The following TMEM242 variants were observed in gnomAD, a reference collection of about 807,000 sequenced individuals.
TMEM242 encodes the protein transmembrane protein 242.
Under a neutral mutation model 18.2 loss-of-function variants are expected in TMEM242, and 10 were observed. That is an observed-to-expected ratio of 0.55 (90% CI 0.34 to 0.93). The LOEUF is 0.93. TMEM242 is among the 40% of genes least tolerant of loss of function. The pLI is 0.02. For synonymous variants in TMEM242, 57 were observed against 69.9 expected, an observed-to-expected ratio of 0.81 and a Z score of 0.92; for missense variants, 186 against 175.5, an observed-to-expected ratio of 1.06 and a Z score of -0.34.
At chr6:157,307,028 T>C (rs1777925785) in intron 3 of TMEM242, among the ~76,000 whole-genome samples, 2 of 152,232 alleles carry the variant, frequency 1.3e-5, no homozygotes, top group Non-Finnish European at 2.9e-5. Flanking sequence ...TTACAAACTG[T>C]ACATATCAAC....
chr6:157,302,542 G>A (rs1216783138), intron 3 of TMEM242, among the ~76,000 whole-genome samples: 1 of 152,026 alleles, frequency 6.6e-6, no homozygotes, highest in Non-Finnish European at 1.5e-5. Context: ...TCAATCTTGA[G>A]GGGGAAAAAA....
chr6:157,321,991 T>C (rs1778504231), intron 2 of TMEM242, among the ~76,000 whole-genome samples: 1 of 152,180 alleles, frequency 6.6e-6, no homozygotes, highest in Admixed American at 6.5e-5. Flanking sequence ...CTCTTGCCAT[T>C]ATGGTATCGA....
chr6:157,323,175 A>G (rs1290668202), intron 1 of TMEM242, among the ~76,000 whole-genome samples: 1 of 152,144 alleles, frequency 6.6e-6, no homozygotes, highest in Non-Finnish European at 1.5e-5. Context: ...ACGGGGAAAT[A>G]TGGCACGCCC....
At chr6:157,300,137 T>G in intron 3 of TMEM242, 1 of 600,666 alleles carries the variant, frequency 1.7e-6, no homozygotes, top group Non-Finnish European at 3.0e-6. Flanking sequence ...GGCTGCTCAC[T>G]CAAGAAATGG....
At chr6:157,293,304 C>T (rs1220830175) in intron 3 of TMEM242, among the ~76,000 whole-genome samples, 2 of 152,048 alleles carry the variant, frequency 1.3e-5, no homozygotes, top group Non-Finnish European at 2.9e-5. Context: ...ATTGCTTGAG[C>T]CCAGGAGTTT....
chr6:157,292,608 G>T lies in TMEM242; in HGVS notation c.*293C>A. On this transcript the variant is annotated 3_prime_UTR_variant, in exon 4 of 4. Transcript: ENST00000400788. ...TATAAACTTTTTTAGTATGAAATTT[G>T]CTTCAACTGTTACAAACAGAATCAT... 1 of 268,582 alleles carries T rather than the reference G, an allele frequency of 3.7e-6. No homozygotes were observed. Among genetic ancestry groups the T allele is most frequent in the Non-Finnish European group, 6.9e-6 (1 of 144,348 alleles). The allele number at this position is 268,582 out of a possible 1,614,324, so 16.6% of individuals were successfully genotyped here. A position where few individuals can be genotyped will look rare whatever the true frequency, so the allele number is the denominator to read the frequency against.
At chr6:157,313,792 C>T (rs1482160986) in intron 3 of TMEM242, among the ~76,000 whole-genome samples, 5 of 147,812 alleles carry the variant, frequency 3.4e-5, no homozygotes, top group African/African-American at 1.3e-4. Context: ...TCCCAGTGTG[C>T]GCTCACGTGG....
intron 3 of TMEM242, among the ~76,000 whole-genome samples, chr6:157,312,500 G>GC (rs1778192522): frequency 1.5e-5 from 2 of 132,480 alleles, no homozygotes; most frequent in Admixed American, 7.6e-5. Flanking sequence ...GTCCCAGTGT[G>GC]CACTCACCGA....
In TMEM242 at chr6:157,292,184, A is replaced by G. The variant is rs1777692995; in HGVS notation, c.*717T>C. 1 of 152,108 alleles carries G rather than the reference A, an allele frequency of 6.6e-6. No homozygotes were observed. Among genetic ancestry groups the G allele is most frequent in the African/African-American group, 2.4e-5 (1 of 41,442 alleles). 9.4% of individuals were successfully genotyped at this position (152,108 alleles called of 1,614,324 possible). A position where few individuals can be genotyped will look rare whatever the true frequency, so the allele number is the denominator to read the frequency against. ...AATGACAAATTGTCAGTGTTCAGAG[A>G]TCCAGACCAACTTCTCAAAAAAATA... On this transcript the variant is annotated 3_prime_UTR_variant, in exon 4 of 4. Transcript: ENST00000400788.
In TMEM242 at chr6:157,289,248, A is replaced by G. The variant is rs1777652637; in HGVS notation, c.*3653T>C. 1 of 152,182 alleles carries G rather than the reference A, an allele frequency of 6.6e-6. No individual in the cohort carries two copies. The highest frequency in any genetic ancestry group is 2.4e-5 in the African/African-American group (1 of 41,450). The allele number at this position is 152,182 out of a possible 1,614,324, so 9.4% of individuals were successfully genotyped here. A position where few individuals can be genotyped will look rare whatever the true frequency, so the allele number is the denominator to read the frequency against. On this transcript the variant is annotated 3_prime_UTR_variant, in exon 4 of 4. Transcript: ENST00000400788. ...CTCCAAAACTGAGTTATCTGCCATCACACAAAATTTGCTAACAGCCTCACT... is the reference window on the plus strand; with the variant it reads ...CTCCAAAACTGAGTTATCTGCCATCGCACAAAATTTGCTAACAGCCTCACT...
intron 3 of TMEM242, among the ~76,000 whole-genome samples, chr6:157,314,362 G>GTGTGCACTAACCTGGCCT (rs1778343810): frequency 3.3e-5 from 5 of 149,582 alleles, no homozygotes; most frequent in East Asian, 2.0e-4. Context: ...TAGTGTCCCA[G>GTGTGCACTAACCTGGCCT]CATGCATTCC....
At chr6:157,296,022 T>A (rs1777743337) in intron 3 of TMEM242, among the ~76,000 whole-genome samples, 1 of 152,196 alleles carries the variant, frequency 6.6e-6, no homozygotes, top group Non-Finnish European at 1.5e-5. Flanking sequence ...GAAAAGGTAT[T>A]GGTTTGACCA....
Position 157,323,457 on chromosome 6 carries a change from G to A in TMEM242, c.43C>T (p.Leu15=). 6.2e-7 allele frequency: 1 copy of A among 1,614,084 alleles called. No individual in the cohort carries two copies. The highest frequency in any genetic ancestry group is 1.3e-5 in the African/African-American group (1 of 75,070). The part of the protein sequence containing the change: ...GAATGQPASG[L]EAPGSTNDRL... The stretch of plus-strand genomic sequence containing the variant: ...TCATTCGTGGACCCCGGAGCCTCCA[G>A]CCCAGAGGCCGGCTGCCCAGTTGCA... Residue 15 remains leucine (L), a synonymous_variant, in exon 1 of 4, where the codon CTG becomes TTG. Coordinates refer to ENST00000400788, the MANE Select transcript of TMEM242 (RefSeq NM_018452.6).
At chr6:157,308,975 G>A (rs1204843358) in intron 3 of TMEM242, among the ~76,000 whole-genome samples, 1 of 152,178 alleles carries the variant, frequency 6.6e-6, no homozygotes, top group Non-Finnish European at 1.5e-5. Flanking sequence ...GGTTCCCTAT[G>A]GTATTTAATA....
At position 157,292,808 on chromosome 6, in the gene TMEM242, T is replaced by C. The variant is rs978184248; in HGVS notation, c.*93A>G. 8 of 1,000,842 alleles carry C rather than the reference T, an allele frequency of 8.0e-6. No individual in the cohort carries two copies. In the African/African-American group the frequency reaches 1.3e-4, roughly 16 times the overall value. The allele number at this position is 1,000,842 out of a possible 1,614,324, so 62.0% of individuals were successfully genotyped here. On this transcript the variant is annotated 3_prime_UTR_variant, in exon 4 of 4. Transcript: ENST00000400788. ...TCAGTCAGCAATCTGCCCATGTTCCTGGGAGAAATCAGTCCCAGTCCTTTT... is the reference window on the plus strand; with the variant it reads ...TCAGTCAGCAATCTGCCCATGTTCCCGGGAGAAATCAGTCCCAGTCCTTTT...
intron 2 of TMEM242, among the ~76,000 whole-genome samples, chr6:157,321,303 C>T (rs1340712579): frequency 6.6e-6 from 1 of 152,016 alleles, no homozygotes; most frequent in East Asian, 1.9e-4. Context: ...CCACCTCGCC[C>T]GGCCTTGTAT....
In TMEM242 at chr6:157,289,114, G is replaced by A. The variant is rs782127018; in HGVS notation, c.*3787C>T. Among the ~76,000 whole-genome samples the A allele has an allele frequency of 6.7e-6, 1 of 149,780 alleles. No individual in the cohort carries two copies. The highest frequency in any genetic ancestry group is 1.5e-5 in the Non-Finnish European group (1 of 67,830). ...CAAACAGTAATGAAACAAAGGCCTC[G>A]AGCCAGCTTCTCTAAGAAATATAAA... On this transcript the variant is annotated 3_prime_UTR_variant, in exon 4 of 4. Transcript: ENST00000400788.
intron 3 of TMEM242, among the ~76,000 whole-genome samples, chr6:157,308,026 G>A (rs928828210): frequency 1.3e-5 from 2 of 152,170 alleles, no homozygotes; most frequent in African/African-American, 2.4e-5. Flanking sequence ...CTCAGAAGTG[G>A]CTGCCATTAA....
At chr6:157,293,651 C>G (rs1241302497) in intron 3 of TMEM242, among the ~76,000 whole-genome samples, 2 of 151,350 alleles carry the variant, frequency 1.3e-5, no homozygotes, top group Admixed American at 1.3e-4. Flanking sequence ...ATGTGCAAGA[C>G]AGTGGTTTTT....
Sources: allele counts gnomAD v4.1 joint callset (sites outside exome capture counted in the v4.1 genomes callset), GRCh38; gene constraint gnomAD v4.1.1; transcripts MANE v1.5; gene names NCBI Gene and HGNC (gene_info 2026-07-23, HGNC 2026-07-21).